NTRK1: variants seen among roughly 807,000 people sequenced by gnomAD.
NTRK1 encodes neurotrophic receptor tyrosine kinase 1, also known as high affinity nerve growth factor receptor.
Under a neutral mutation model 86.8 loss-of-function variants are expected in NTRK1, and 62 were observed. The ratio of observed to expected loss-of-function variants is 0.71; its 90% CI spans 0.58 to 0.88. The LOEUF (loss-of-function observed/expected upper bound fraction) is 0.88. Ranked by LOEUF, NTRK1 falls within the 40% of genes least tolerant of loss-of-function variation. NTRK1 has a pLI of 0.00. For missense variants in NTRK1, 967 were observed against 1,078.4 expected (o/e 0.90, Z 1.45); for synonymous variants, 469 against 456.6 (o/e 1.03, Z -0.35).
chr1:156,845,337 C>A, intron 2 of NTRK1: 1 of 1,608,038 alleles, frequency 6.2e-7, no homozygotes, highest in Non-Finnish European at 8.5e-7. Flanking sequence ...GCCCCCAAAG[C>A]CACGCCCCTC....
At chr1:156,834,825 G>C (rs1262511383) in intron 1 of NTRK1, among the ~76,000 whole-genome samples, 2 of 151,616 alleles carry the variant, frequency 1.3e-5, no homozygotes, top group African/African-American at 2.4e-5. Context: ...ACGGGGGGTT[G>C]TATTTTCAGG....
At chr1:156,873,246 T>C (rs943292405) in intron 7 of NTRK1, among the ~76,000 whole-genome samples, 2 of 152,064 alleles carry the variant, frequency 1.3e-5, no homozygotes, top group Admixed American at 6.5e-5. Flanking sequence ...TATTTTTGGC[T>C]GGTTTGATTG....
intron 1 of NTRK1, among the ~76,000 whole-genome samples, chr1:156,822,259 T>C (rs1420584657): frequency 1.3e-5 from 2 of 152,190 alleles, no homozygotes; most frequent in African/African-American, 4.8e-5. Flanking sequence ...GTTTCTTACT[T>C]ATTCCTTAAG....
intron 1 of NTRK1, among the ~76,000 whole-genome samples, chr1:156,820,664 C>T (rs1055158700): frequency 5.9e-5 from 9 of 152,198 alleles, no homozygotes; most frequent in South Asian, 2.1e-4. Flanking sequence ...TATACCAGTA[C>T]CATGCAGTTT....
chr1:156,841,688 G>A (rs866669566), intron 1 of NTRK1: 2 of 1,613,974 alleles, frequency 1.2e-6, no homozygotes, highest in Non-Finnish European at 1.7e-6. Flanking sequence ...GGGTGGTGAA[G>A]ATCCCATCTT....
chr1:156,852,228 C>A, intron 2 of NTRK1: 1 of 1,541,832 alleles, frequency 6.5e-7, no homozygotes, highest in Non-Finnish European at 8.8e-7. Flanking sequence ...TTGGCCATGC[C>A]CCCTCAGTCC....
At chr1:156,816,230 G>A in intron 1 of NTRK1, 19 of 1,396,362 alleles carry the variant, frequency 1.4e-5, no homozygotes, top group Non-Finnish European at 1.8e-5. Flanking sequence ...CAGAAGGGCA[G>A]CAGGGGAGTT....
Position 156,871,712 on chromosome 1 carries a change from C to G in NTRK1, c.807C>G (p.Asn269Lys), listed in dbSNP as rs767929222. Residue 269 changes from asparagine to lysine, a missense_variant, in exon 7 of 17, where the codon AAC becomes AAG. By Grantham distance (94) the Asn-to-Lys change is moderately conservative. Coordinates refer to ENST00000524377, the MANE Select transcript of NTRK1 (RefSeq NM_002529.4). The stretch of plus-strand genomic sequence containing the variant: ...AGAACGTGACGTGCTGGGCAGAGAA[C>G]GATGTGGGCCGGGCAGAGGTCTCTG... Reference protein sequence around the residue: ...NRKNVTCWAENDVGRAEVSVQ... With the variant: ...NRKNVTCWAEKDVGRAEVSVQ... The G allele has an allele frequency of 3.1e-6, 5 of 1,614,178 alleles. No homozygotes were observed. The highest frequency in any genetic ancestry group is 4.2e-6 in the Non-Finnish European group (5 of 1,180,038).
intron 1 of NTRK1, among the ~76,000 whole-genome samples, chr1:156,818,656 G>A (rs1190433239): frequency 6.6e-6 from 1 of 152,122 alleles, no homozygotes; most frequent in Non-Finnish European, 1.5e-5. Context: ...ACATTATTTC[G>A]TTCTTTTTTT....
At position 156,854,478 on chromosome 1, in the gene NTRK1, T is replaced by C. The variant is rs975110210; in HGVS notation, c.51-9876T>C. 6.6e-6 allele frequency among the ~76,000 whole-genome samples: 1 copy of C among 152,132 alleles called. No homozygotes were observed. The highest frequency in any genetic ancestry group is 2.4e-5 in the African/African-American group (1 of 41,428). ...GGCCCCGGAGGGCTCACCTGCAGCCTGCAGGGTCTCTACCAGATGAGCCAC... is the reference window on the plus strand; with the variant it reads ...GGCCCCGGAGGGCTCACCTGCAGCCCGCAGGGTCTCTACCAGATGAGCCAC... On this transcript the variant is annotated intron_variant, in intron 2 of 16. Coordinates refer to the NTRK1 transcript ENST00000392302. The surrounding 1 kb of genome is among the most constrained non-coding windows in gnomAD (Gnocchi z 4.2).
At chr1:156,868,879 T>G (rs1218141180) in intron 6 of NTRK1, among the ~76,000 whole-genome samples, 2 of 152,142 alleles carry the variant, frequency 1.3e-5, no homozygotes, top group African/African-American at 4.8e-5. Context: ...GACCCCAGGC[T>G]ATACTTGAAG....
Position 156,873,963 on chromosome 1 carries a change from C to T in NTRK1, c.1177+4C>T, listed in dbSNP as rs964771053. On this transcript the variant is annotated splice_donor_region_variant and intron_variant, in intron 8 of 16. Transcript: ENST00000524377. The stretch of plus-strand genomic sequence containing the variant: ...AACCCCGAGGACCCCATCCCTGGTG[C>T]GAGGGCCATCCTGAACCCTGCCCCC... The T allele has an allele frequency of 5.8e-6, 9 of 1,551,854 alleles. No individual in the cohort carries two copies. Among genetic ancestry groups the T allele is most frequent in the South Asian group, 3.6e-5 (3 of 84,100 alleles).
Position 156,879,224 on chromosome 1 carries a change from G to A in NTRK1, c.1908G>A (p.Ala636=), listed in dbSNP as rs17838192. 2.4e-3 allele frequency: 3,817 copies of A among 1,614,056 alleles called. 10 individuals carry two copies. Among genetic ancestry groups the A allele is most frequent in the Non-Finnish European group, 2.7e-3 (3,181 of 1,180,006 alleles). ...QLLAVASQVA[A]GMVYLAGLHF... is the part of the protein sequence containing the mutation. ...TGGCCGTGGCTAGCCAGGTCGCTGC[G>A]GGGATGGTGTACCTGGCGGGTCTGC... Residue 636 remains alanine, a synonymous_variant, in exon 15 of 17, where the codon GCG becomes GCA. Coordinates refer to ENST00000524377, the MANE Select transcript of NTRK1 (RefSeq NM_002529.4).
chr1:156,851,853 G>T (rs1655222502), intron 2 of NTRK1: 10 of 1,575,138 alleles, frequency 6.3e-6, no homozygotes, highest in Non-Finnish European at 7.8e-6. Flanking sequence ...CCTCCTCACT[G>T]CTCCCAGGGT....
rs1654744379 is a variant in NTRK1 at position 156,840,778 on chromosome 1, G to T, written c.-63-1303G>T. 3.1e-6 allele frequency: 3 copies of T among 970,206 alleles called. No individual in the cohort carries two copies. The South Asian group carries it at 4.3e-5, about 14-fold the overall frequency. The allele number at this position is 970,206 out of a possible 1,614,324, so 60.1% of individuals were successfully genotyped here. The stretch of plus-strand genomic sequence containing the variant: ...CACCCTCGGCCATCCCTTGCCCTGA[G>T]TTGGGGTGGGGGTGAACATTCAGGC... On this transcript the variant is annotated intron_variant, in intron 1 of 16. Transcript: ENST00000392302.
chr1:156,828,596 C>T (rs571474828), intron 1 of NTRK1, among the ~76,000 whole-genome samples: 9 of 152,220 alleles, frequency 5.9e-5, no homozygotes, highest in Non-Finnish European at 1.0e-4. Context: ...TTCACTCACA[C>T]GCCTGTGTTT....
chr1:156,871,499 T>A, intron 6 of NTRK1, 124 bp from the exon 7 acceptor site: 1 of 999,956 alleles, frequency 1.0e-6, no homozygotes, highest in Non-Finnish European at 1.5e-6. Context: ...CCTCTCTCCC[T>A]TCTCTTCCCT....
chr1:156,879,123 T>G lies in NTRK1; in HGVS notation c.1807T>G (p.Ser603Ala). 6.2e-7 allele frequency: 1 copy of G among 1,613,686 alleles called. No homozygotes were observed. The highest frequency in any genetic ancestry group is 8.5e-7 in the Non-Finnish European group (1 of 1,179,898). ...RHGDLNRFLR[S>A]HGPDAKLLAG... ...CCCCTCTCCTTTTCTTGTTCACAGA[T>G]CCCATGGACCTGATGCCAAGCTGCT... The change falls in exon 15 of 17, where the codon TCC (serine) becomes GCC (alanine). Residue 603 changes from serine (S) to alanine (A), a missense_variant and splice_region_variant. Ser to Ala is a moderately conservative substitution (Grantham distance 99, BLOSUM62 1). This residue lies in a region of NTRK1 where 637 missense variants were observed against 776.5 expected (regional missense o/e 0.82). Coordinates refer to ENST00000524377, the MANE Select transcript of NTRK1 (RefSeq NM_002529.4).
At chr1:156,870,568 A>G (rs1647496055) in intron 6 of NTRK1, among the ~76,000 whole-genome samples, 1 of 152,176 alleles carries the variant, frequency 6.6e-6, no homozygotes, top group Admixed American at 6.5e-5. Context: ...AGTGGCTGGA[A>G]CCCAGAGCTT....
Sources: allele counts gnomAD v4.1 joint callset (sites outside exome capture counted in the v4.1 genomes callset), GRCh38; gene constraint gnomAD v4.1.1; regional missense constraint gnomAD v4.1.1; non-coding constraint Gnocchi (gnomAD v3.1); transcripts MANE v1.5; gene names NCBI Gene and HGNC (gene_info 2026-07-23, HGNC 2026-07-21).